AKAP12: variants seen among roughly 807,000 people sequenced by gnomAD.
The protein encoded by AKAP12 is A-kinase anchoring protein 12.
AKAP12 carries 32 observed loss-of-function variants against 79.9 expected under a neutral mutation model. The ratio of observed to expected loss-of-function variants is 0.40; its 90% CI spans 0.30 to 0.54. The LOEUF (loss-of-function observed/expected upper bound fraction) is 0.54. Among genes scored for constraint, AKAP12 ranks in the 20% least tolerant of loss-of-function variants. The pLI, the probability that AKAP12 is intolerant of heterozygous loss-of-function variation, is 0.48. For missense variants in AKAP12, 2,074 were observed against 2,177.0 expected (o/e 0.95, Z 0.94); for synonymous variants, 808 against 857.0 (o/e 0.94, Z 1.00).
At chr6:151,247,598 A>G (rs1472407281) in intron 2 of AKAP12, among the ~76,000 whole-genome samples, 1 of 152,154 alleles carries the variant, frequency 6.6e-6, no homozygotes, top group Non-Finnish European at 1.5e-5. Flanking sequence ...TTCTTTAGCT[A>G]TCACTTTTAA....
rs1251375995 is a variant in AKAP12 at position 151,348,790 on chromosome 6, C to T, written c.399C>T (p.Asp133=). The part of the protein sequence containing the change: ...EMATKSAVVH[D]ITDDGQEETP... ...CTACTAAGTCAGCGGTTGTTCACGA[C>T]ATCACAGATGATGGGCAGGAGGAGA... is the stretch of plus-strand genomic sequence containing the variant. Residue 133 remains aspartate, a synonymous_variant, in exon 4 of 5, where the codon GAC becomes GAT. Transcript: ENST00000402676. The T allele has an allele frequency of 6.3e-7, 1 of 1,592,644 alleles. No individual in the cohort carries two copies. Among genetic ancestry groups the T allele is most frequent in the Non-Finnish European group, 8.6e-7 (1 of 1,168,148 alleles).
chr6:151,339,389 G>A (rs968698847), intron 3 of AKAP12, among the ~76,000 whole-genome samples: 14 of 152,134 alleles, frequency 9.2e-5, no homozygotes, highest in African/African-American at 2.7e-4. Flanking sequence ...CCTATATGAC[G>A]TTGGTCAAGT....
At chr6:151,266,549 T>C (rs190883655) in intron 2 of AKAP12, among the ~76,000 whole-genome samples, 61 of 152,304 alleles carry the variant, frequency 4.0e-4, no homozygotes, top group Admixed American at 1.0e-3. Context: ...TTTTAGAAGA[T>C]CGAATTATAA....
chr6:151,343,120 T>C (rs1280107743), intron 3 of AKAP12, among the ~76,000 whole-genome samples: 1 of 152,174 alleles, frequency 6.6e-6, no homozygotes, highest in Non-Finnish European at 1.5e-5. Context: ...ATCTCCCTAG[T>C]TTTGACTATA....
chr6:151,296,999 G>A (rs570336728), intron 2 of AKAP12, among the ~76,000 whole-genome samples: 8 of 148,110 alleles, frequency 5.4e-5, no homozygotes, highest in African/African-American at 2.0e-4. Context: ...TATATTGTAT[G>A]CCTAGGTTGA....
chr6:151,276,776 C>T (rs886977541), intron 2 of AKAP12, among the ~76,000 whole-genome samples: 8 of 152,204 alleles, frequency 5.3e-5, no homozygotes, highest in African/African-American at 9.6e-5. Flanking sequence ...TGCTTTATCA[C>T]GATCGTATGC....
chr6:151,319,001 C>T (rs1292836171), intron 3 of AKAP12, among the ~76,000 whole-genome samples: 2 of 152,042 alleles, frequency 1.3e-5, no homozygotes, highest in African/African-American at 2.4e-5. Flanking sequence ...TATATCTATA[C>T]CTTTTCATTT....
chr6:151,288,206 A>T (rs2114733006), intron 2 of AKAP12, among the ~76,000 whole-genome samples: 1 of 137,484 alleles, frequency 7.3e-6, no homozygotes, highest in Middle Eastern at 3.5e-3. Context: ...CAGAACTTAA[A>T]GTATTTAAAA....
intron 2 of AKAP12, among the ~76,000 whole-genome samples, chr6:151,241,336 A>G (rs1171676238): frequency 8.5e-5 from 13 of 152,194 alleles, no homozygotes; most frequent in Admixed American, 8.5e-4. Context: ...CAGAGCCAGG[A>G]AAAACCTGGG....
chr6:151,313,761 G>A (rs1777173015), intron 3 of AKAP12, among the ~76,000 whole-genome samples: 1 of 152,102 alleles, frequency 6.6e-6, no homozygotes, highest in Non-Finnish European at 1.5e-5. Flanking sequence ...GCTAGACACG[G>A]CTAAGACTGC....
In AKAP12 at chr6:151,352,511, C is replaced by T; in HGVS notation, c.4120C>T (p.Leu1374Phe). 6.2e-7 allele frequency: 1 copy of T among 1,614,182 alleles called. No homozygotes were observed. The highest frequency in any genetic ancestry group is 1.1e-5 in the South Asian group (1 of 91,078). ...CGTATCTGAAGAGGTCAGTAAGCAG[C>T]TCCTCCAGACAGTGAATGTGCCCAT... ...VTVSEEVSKQLLQTVNVPIID... is the reference protein window; with the variant it reads ...VTVSEEVSKQFLQTVNVPIID... The change falls in exon 4 of 5, where the codon CTC (leucine) becomes TTC (phenylalanine). Residue 1374 changes from leucine (L) to phenylalanine (F), a missense_variant. By Grantham distance (22) the Leu-to-Phe change is conservative. This residue lies in a region of AKAP12 where 614 missense variants were observed against 665.6 expected (regional missense o/e 0.92). Coordinates refer to ENST00000402676, the MANE Select transcript of AKAP12 (RefSeq NM_005100.4).
At chr6:151,273,001 G>A (rs1168800686) in intron 2 of AKAP12, among the ~76,000 whole-genome samples, 1 of 152,154 alleles carries the variant, frequency 6.6e-6, no homozygotes. Context: ...TCCGCTTCCC[G>A]GGTTCACACC....
Position 151,322,750 on chromosome 6 carries a change from T to TGGGCGTGTCCACCACCCACTCCC in AKAP12, c.319+16848_319+16849insGGCGTGTCCACCACCCACTCCCG, listed in dbSNP as rs1562738549. ...ACTGGGCGTGTCCACCACCCACTCC[T>TGGGCGTGTCCACCACCCACTCCC]GCCACTGGGTGTGTGCACCATCCAT... On this transcript the variant is annotated intron_variant, in intron 3 of 4. Coordinates refer to ENST00000402676, the MANE Select transcript of AKAP12 (RefSeq NM_005100.4). Among the ~76,000 whole-genome samples the TGGGCGTGTCCACCACCCACTCCC allele has an allele frequency of 8.7e-3, 1,273 of 145,844 alleles. 76 individuals carry two copies. Among genetic ancestry groups the TGGGCGTGTCCACCACCCACTCCC allele is most frequent in the African/African-American group, 0.032 (1,154 of 36,340 alleles).
chr6:151,254,365 T>C (rs1797248677), intron 2 of AKAP12, among the ~76,000 whole-genome samples: 1 of 151,924 alleles, frequency 6.6e-6, no homozygotes, highest in African/African-American at 2.4e-5. Flanking sequence ...TAGTCTTTTT[T>C]GTTTGAGACG....
rs767416781 is a variant in AKAP12, at chr6:151,349,114, G to A, written c.723G>A (p.Glu241=). ...EPKQSTEKPE[E]TLKREQSHAE... is the part of the protein sequence containing the mutation. The stretch of plus-strand genomic sequence containing the variant: ...AACAATCTACAGAGAAACCCGAAGA[G>A]ACCCTGAAGCGTGAGCAAAGCCACG... The change falls in exon 4 of 5, where the codon GAG becomes GAA. Residue 241 remains glutamate, a synonymous_variant. Transcript: ENST00000402676. The A allele has an allele frequency of 5.0e-6, 8 of 1,613,298 alleles. No individual in the cohort carries two copies. The African/African-American group carries it at 1.1e-4, about 22-fold the overall frequency.
chr6:151,271,805 G>A (rs1253063543), intron 2 of AKAP12, among the ~76,000 whole-genome samples: 14 of 151,818 alleles, frequency 9.2e-5, no homozygotes, highest in African/African-American at 1.5e-4. Flanking sequence ...GATTACAGGC[G>A]CTTGCCACCA....
At chr6:151,340,074 C>T (rs1180345581) in intron 3 of AKAP12, among the ~76,000 whole-genome samples, 1 of 151,860 alleles carries the variant, frequency 6.6e-6, no homozygotes, top group Admixed American at 6.6e-5. Context: ...TACAGGTGCC[C>T]ACCACAATGC....
At chr6:151,316,470 A>T (rs1428633197) in intron 3 of AKAP12, among the ~76,000 whole-genome samples, 1 of 152,130 alleles carries the variant, frequency 6.6e-6, no homozygotes, top group East Asian at 1.9e-4. Context: ...ATTTTCTCAC[A>T]GTTCTGGAGG....
chr6:151,258,967 A>G (rs1797355855), intron 2 of AKAP12, among the ~76,000 whole-genome samples: 1 of 151,320 alleles, frequency 6.6e-6, no homozygotes, highest in South Asian at 2.1e-4. Flanking sequence ...CACACTATAT[A>G]TATATGTATA....
Sources: gnomAD v4.1 joint callset for allele counts (sites outside exome capture counted in the v4.1 genomes callset) on GRCh38, gnomAD v4.1.1 for gene constraint, gnomAD v4.1.1 regional missense constraint, MANE v1.5 for transcripts, NCBI Gene and HGNC (gene_info 2026-07-23, HGNC 2026-07-21) for gene names.